The following NCKAP5 variants were observed in gnomAD, a reference collection of about 807,000 sequenced individuals.
The protein encoded by NCKAP5 is nck-associated protein 5.
NCKAP5 carries 92 observed loss-of-function variants against 167.0 expected under a neutral mutation model. The observed-to-expected ratio is 0.55, with a 90% CI of 0.47 to 0.66. The LOEUF (loss-of-function observed/expected upper bound fraction) is 0.66. NCKAP5 is among the 30% of genes least tolerant of loss of function. The pLI, the probability that NCKAP5 is intolerant of heterozygous loss-of-function variation, is 0.00. For missense variants in NCKAP5, 2,378 were observed against 2,315.0 expected, an observed-to-expected ratio of 1.03 and a Z score of -0.56; for synonymous variants, 891 against 877.4, an observed-to-expected ratio of 1.02 and a Z score of -0.27.
At chr2:133,524,984 G>A (rs1322629956) in intron 2 of NCKAP5, among the ~76,000 whole-genome samples, 1 of 152,092 alleles carries the variant, frequency 6.6e-6, no homozygotes, top group Non-Finnish European at 1.5e-5. Flanking sequence ...ATGTGTGCAT[G>A]TGTGTGTGTA....
In NCKAP5 at chr2:132,885,476, A is replaced by G. The variant is rs189984381; in HGVS notation, c.580-6560T>C. ...TCAGCTTTGTCTTCCACAACAATCA[A>G]AAACTTTTGCTAGACTTAGCCCGGG... On this transcript the variant is annotated intron_variant, in intron 8 of 19. Transcript: ENST00000409261. Among the ~76,000 whole-genome samples, 247 of 152,330 alleles carry G rather than the reference A, an allele frequency of 1.6e-3. 3 individuals carry two copies. Among genetic ancestry groups the G allele is most frequent in the African/African-American group, 5.6e-3 (234 of 41,586 alleles).
At chr2:132,913,744 A>G (rs1373221746) in intron 8 of NCKAP5, among the ~76,000 whole-genome samples, 1 of 152,158 alleles carries the variant, frequency 6.6e-6, no homozygotes, top group African/African-American at 2.4e-5. Context: ...GAATATTTGA[A>G]TAAACAAGAC....
At chr2:132,699,372 C>A (rs1687659881) in intron 19 of NCKAP5, among the ~76,000 whole-genome samples, 1 of 152,068 alleles carries the variant, frequency 6.6e-6, no homozygotes, top group Non-Finnish European at 1.5e-5. Context: ...GGTACATGTG[C>A]ACAATGTGCA....
intron 8 of NCKAP5, among the ~76,000 whole-genome samples, chr2:132,900,821 A>G (rs1693561530): frequency 6.6e-6 from 1 of 151,938 alleles, no homozygotes; most frequent in Non-Finnish European, 1.5e-5. Context: ...TTAGCCAGGC[A>G]TGGTGGCAGG....
At chr2:132,718,188 AC>A (rs1276867611) in intron 19 of NCKAP5, among the ~76,000 whole-genome samples, 1 of 152,212 alleles carries the variant, frequency 6.6e-6, no homozygotes, top group South Asian at 2.1e-4. Flanking sequence ...TGACCTGGAC[AC>A]AGTAGAAGCT....
intron 1 of NCKAP5, among the ~76,000 whole-genome samples, chr2:133,565,911 A>C (rs1688514238): frequency 6.6e-6 from 1 of 152,236 alleles, no homozygotes; most frequent in African/African-American, 2.4e-5. Flanking sequence ...TGTAGCTATA[A>C]GAAGTATTAT....
At chr2:133,465,785 C>T (rs1398779567) in intron 3 of NCKAP5, among the ~76,000 whole-genome samples, 3 of 151,454 alleles carry the variant, frequency 2.0e-5, no homozygotes, top group South Asian at 2.1e-4. Context: ...TTTCATGTGT[C>T]TTTTGGCTGC....
At chr2:133,237,632 A>T (rs968478844) in intron 4 of NCKAP5, among the ~76,000 whole-genome samples, 1 of 152,232 alleles carries the variant, frequency 6.6e-6, no homozygotes, top group African/African-American at 2.4e-5. Context: ...ACGTGTAAAC[A>T]AATGCACTGC....
intron 5 of NCKAP5, among the ~76,000 whole-genome samples, chr2:133,142,969 G>T (rs964605088): frequency 3.3e-5 from 5 of 152,132 alleles, no homozygotes; most frequent in Admixed American, 6.6e-5. Flanking sequence ...TTAAACTGCT[G>T]CATGAAGATG....
chr2:132,913,446 C>T (rs1289227747), intron 8 of NCKAP5, among the ~76,000 whole-genome samples: 1 of 151,648 alleles, frequency 6.6e-6, no homozygotes, highest in Non-Finnish European at 1.5e-5. Flanking sequence ...AGACTAGAGA[C>T]AAGAAGAACA....
the NCKAP5 span, among the ~76,000 whole-genome samples, chr2:133,614,238 G>A: frequency 6.6e-6 from 1 of 152,174 alleles, no homozygotes; most frequent in South Asian, 2.1e-4. Flanking sequence ...GTCACCGGCT[G>A]CCAGGAAATA....
chr2:132,868,095 G>T (rs953121762), intron 10 of NCKAP5, among the ~76,000 whole-genome samples: 5 of 152,014 alleles, frequency 3.3e-5, no homozygotes, highest in Non-Finnish European at 7.4e-5. Flanking sequence ...AAATCAAAAT[G>T]GCATAAATTA....
At chr2:132,825,064 T>C (rs916252018) in intron 11 of NCKAP5, among the ~76,000 whole-genome samples, 6 of 152,164 alleles carry the variant, frequency 3.9e-5, no homozygotes, top group African/African-American at 1.2e-4. Context: ...GCCCATGTAT[T>C]AGAGATCCCT....
intron 2 of NCKAP5, among the ~76,000 whole-genome samples, chr2:133,555,968 C>T (rs1015554030): frequency 1.1e-4 from 17 of 152,232 alleles, no homozygotes; most frequent in African/African-American, 4.1e-4. Context: ...TTAAACACAG[C>T]AATACAGATG....
At chr2:133,462,980 G>A (rs1391634173) in intron 3 of NCKAP5, among the ~76,000 whole-genome samples, 1 of 152,086 alleles carries the variant, frequency 6.6e-6, no homozygotes, top group Non-Finnish European at 1.5e-5. Context: ...TATCTTCTTT[G>A]TACTTCCATC....
At chr2:132,928,009 A>C (rs1696050232) in intron 8 of NCKAP5, among the ~76,000 whole-genome samples, 1 of 152,186 alleles carries the variant, frequency 6.6e-6, no homozygotes, top group Admixed American at 6.5e-5. Flanking sequence ...GTAAAAGCAA[A>C]ATTTCTTGTC....
intron 11 of NCKAP5, among the ~76,000 whole-genome samples, chr2:132,851,933 T>C (rs1193449920): frequency 6.6e-6 from 1 of 152,196 alleles, no homozygotes; most frequent in African/African-American, 2.4e-5. Context: ...TTAGGTTACT[T>C]AATCTTTTCG....
At chr2:133,543,334 C>G (rs1175953377) in intron 2 of NCKAP5, among the ~76,000 whole-genome samples, 2 of 152,184 alleles carry the variant, frequency 1.3e-5, no homozygotes, top group Non-Finnish European at 2.9e-5. Context: ...CTTGTACAAC[C>G]AGCAGAACTG....
the NCKAP5 span, among the ~76,000 whole-genome samples, chr2:133,603,500 C>T: frequency 3.9e-5 from 6 of 152,230 alleles, no homozygotes; most frequent in Non-Finnish European, 7.4e-5. Context: ...GCTGGGATTA[C>T]AGGCGTGAGC....
Sources: allele counts gnomAD v4.1 joint callset (sites outside exome capture counted in the v4.1 genomes callset), GRCh38; gene constraint gnomAD v4.1.1; transcripts MANE v1.5; gene names NCBI Gene and HGNC (gene_info 2026-07-23, HGNC 2026-07-21).